The following CNOT6L variants were observed in gnomAD, a reference collection of about 807,000 sequenced individuals.
The protein encoded by CNOT6L is CCR4-NOT transcription complex subunit 6 like.
CNOT6L carries 7 observed loss-of-function variants against 64.0 expected under a neutral mutation model. That is an observed-to-expected ratio of 0.11 (90% CI 0.06 to 0.21). CNOT6L has a LOEUF of 0.21. CNOT6L is among the 10% of genes least tolerant of loss of function. The pLI is 1.00. For missense variants in CNOT6L, 245 were observed against 669.0 expected (o/e 0.37, Z 6.99); for synonymous variants, 193 against 243.4 (o/e 0.79, Z 1.93).
intron 11 of CNOT6L, 96 bp from the exon 12 acceptor site, chr4:77,720,739 T>C: frequency 8.5e-7 from 1 of 1,183,110 alleles, no homozygotes; most frequent in Non-Finnish European, 1.2e-6. Flanking sequence ...CTACCCTTTC[T>C]TCTGGTACCT....
chr4:77,798,663 C>T (rs1731151994), intron 1 of CNOT6L, among the ~76,000 whole-genome samples: 1 of 152,090 alleles, frequency 6.6e-6, no homozygotes. Flanking sequence ...AATGCTACAA[C>T]TTTGGGAGAA....
At chr4:77,778,439 C>T (rs1469851797) in intron 1 of CNOT6L, among the ~76,000 whole-genome samples, 1 of 151,900 alleles carries the variant, frequency 6.6e-6, no homozygotes, top group Non-Finnish European at 1.5e-5. Context: ...GCTCTGTCGC[C>T]CAGGCTGGAG....
chr4:77,806,182 T>G (rs1732199101), intron 1 of CNOT6L, among the ~76,000 whole-genome samples: 1 of 152,046 alleles, frequency 6.6e-6, no homozygotes, highest in Non-Finnish European at 1.5e-5. Context: ...TCCCAGCACT[T>G]TGGGAGGCTG....
rs145898044 is a variant in CNOT6L at position 77,806,492 on chromosome 4, G to A, written c.5+12812C>T. Among the ~76,000 whole-genome samples, 996 of 151,924 alleles carry A rather than the reference G, an allele frequency of 6.6e-3. 8 individuals are homozygous for A. Among genetic ancestry groups the A allele is most frequent in the Non-Finnish European group, 7.8e-3 (531 of 67,974 alleles). On this transcript the variant is annotated intron_variant, in intron 1 of 11. Coordinates refer to ENST00000504123, the MANE Select transcript of CNOT6L (RefSeq NM_144571.3). ...TCAAAATCATTCCATGGTTCCCAATGTCTTTAATAGTAGTACTGATAATTA... is the reference window on the plus strand; with the variant it reads ...TCAAAATCATTCCATGGTTCCCAATATCTTTAATAGTAGTACTGATAATTA...
intron 8 of CNOT6L, among the ~76,000 whole-genome samples, chr4:77,741,376 C>T (rs897041932): frequency 1.2e-4 from 18 of 152,120 alleles, no homozygotes; most frequent in African/African-American, 4.1e-4. Flanking sequence ...TGGAAAACAG[C>T]TGTAAGCATG....
chr4:77,813,000 A>G (rs1223987961), intron 1 of CNOT6L, among the ~76,000 whole-genome samples: 1 of 152,230 alleles, frequency 6.6e-6, no homozygotes, highest in Non-Finnish European at 1.5e-5. Context: ...GGATAAACAT[A>G]TAAATCAATG....
chr4:77,784,013 G>A (rs185951592), intron 1 of CNOT6L, among the ~76,000 whole-genome samples: 22 of 151,942 alleles, frequency 1.4e-4, no homozygotes, highest in Middle Eastern at 6.8e-3. Flanking sequence ...ATGAGAAAAC[G>A]TTATTGGTTG....
At chr4:77,745,404 T>C (rs1208271543) in intron 6 of CNOT6L, among the ~76,000 whole-genome samples, 1 of 152,200 alleles carries the variant, frequency 6.6e-6, no homozygotes, top group Non-Finnish European at 1.5e-5. Flanking sequence ...TTTTTAAATG[T>C]CCTTTAACTA....
chr4:77,796,150 C>T (rs184298254), intron 1 of CNOT6L, among the ~76,000 whole-genome samples: 207 of 151,128 alleles, frequency 1.4e-3, no homozygotes, highest in African/African-American at 4.8e-3. Context: ...AGCCCTGTTC[C>T]CCTCATGACA....
rs760095901 is a variant in CNOT6L, at chr4:77,819,231, ACCT to A, written c.5+70_5+72del. On this transcript the variant is annotated intron_variant, in intron 1 of 11. Coordinates refer to ENST00000504123, the MANE Select transcript of CNOT6L (RefSeq NM_144571.3). ...CCACACGCACATTTGTCCCTCTCCC[ACCT>A]CATTTCCCCGGGGACGCGCTCCTCT... 1.4e-5 allele frequency: 22 copies of A among 1,609,306 alleles called. No homozygotes were observed. In the African/African-American group the frequency reaches 3.0e-4, roughly 22 times the overall value.
At chr4:77,762,582 C>T (rs1726362782) in intron 4 of CNOT6L, among the ~76,000 whole-genome samples, 1 of 152,150 alleles carries the variant, frequency 6.6e-6, no homozygotes, top group African/African-American at 2.4e-5. Context: ...AAGGTAAAAT[C>T]TAAAACTATA....
chr4:77,755,804 T>TG (rs1429468212), intron 5 of CNOT6L, among the ~76,000 whole-genome samples: 1 of 152,166 alleles, frequency 6.6e-6, no homozygotes, highest in Non-Finnish European at 1.5e-5. Flanking sequence ...GCCACTATGC[T>TG]GGAACTTATG....
intron 3 of CNOT6L, 38 bp from the exon 4 acceptor site, chr4:77,773,204 T>A: frequency 1.6e-6 from 2 of 1,214,610 alleles, no homozygotes; most frequent in Non-Finnish European, 2.3e-6. Context: ...TTTAATATAC[T>A]AAGTTTTATT....
intron 11 of CNOT6L, among the ~76,000 whole-genome samples, chr4:77,722,605 T>G (rs1421790585): frequency 2.0e-5 from 3 of 152,150 alleles, no homozygotes; most frequent in Non-Finnish European, 4.4e-5. Flanking sequence ...CTGCTAGAGT[T>G]CTTTGCAAAC....
At chr4:77,724,339 CA>C (rs199899988) in intron 11 of CNOT6L, among the ~76,000 whole-genome samples, 242 of 119,122 alleles carry the variant, frequency 2.0e-3, no homozygotes, top group Middle Eastern at 0.016. Context: ...GACCCTGTCT[CA>C]AAAAAAAAAA....
rs1421905416 is a variant in CNOT6L at position 77,736,239 on chromosome 4, A to G, written c.873-4701T>C. Among the ~76,000 whole-genome samples, 8 of 152,138 alleles carry G rather than the reference A, an allele frequency of 5.3e-5. No homozygotes were observed. In the East Asian group the frequency reaches 1.2e-3, roughly 22 times the overall value. ...AGCTTCACCAAGGGTTGAAAAACCA[A>G]AGAGAGAGTTGAAAACTAGTTGAAC... is the stretch of plus-strand genomic sequence containing the variant. On this transcript the variant is annotated intron_variant, in intron 8 of 11. Coordinates refer to ENST00000504123, the MANE Select transcript of CNOT6L (RefSeq NM_144571.3).
intron 1 of CNOT6L, among the ~76,000 whole-genome samples, chr4:77,805,243 T>C (rs1302871562): frequency 6.6e-6 from 1 of 152,196 alleles, no homozygotes; most frequent in Non-Finnish European, 1.5e-5. Context: ...CATTTGAATT[T>C]TTTTTTACAA....
At chr4:77,744,618 G>C in intron 7 of CNOT6L, 100 bp downstream of exon 7, 2 of 977,970 alleles carry the variant, frequency 2.0e-6, no homozygotes. Flanking sequence ...TTCTTTTTGA[G>C]CTTTGGCTCT....
intron 1 of CNOT6L, among the ~76,000 whole-genome samples, chr4:77,810,914 G>T (rs1220872318): frequency 6.6e-6 from 1 of 151,546 alleles, no homozygotes; most frequent in East Asian, 1.9e-4. Flanking sequence ...TCTGTTCCTG[G>T]CTTATTCCAC....
Sources: allele counts gnomAD v4.1 joint callset (sites outside exome capture counted in the v4.1 genomes callset), GRCh38; gene constraint gnomAD v4.1.1; transcripts MANE v1.5; gene names NCBI Gene and HGNC (gene_info 2026-07-23, HGNC 2026-07-21).